The following SHB variants were observed in gnomAD, a reference collection of about 807,000 sequenced individuals.
The protein encoded by SHB is SH2 domain containing adaptor protein B, also known as SH2 domain-containing adapter protein B.
In SHB, 20 loss-of-function variants were observed where a neutral mutation model predicts 52.3. That is an observed-to-expected ratio of 0.38 (90% CI 0.27 to 0.56). The LOEUF (loss-of-function observed/expected upper bound fraction) is 0.56. Ranked by LOEUF, SHB falls within the 20% of genes least tolerant of loss-of-function variation. The pLI, the probability that SHB is intolerant of heterozygous loss-of-function variation, is 0.71. For missense variants in SHB, 825 were observed against 723.3 expected (o/e 1.14, Z -1.61); for synonymous variants, 397 against 316.5 (o/e 1.25, Z -2.70).
At chr9:38,065,822 A>G (rs1409283793) in intron 1 of SHB, among the ~76,000 whole-genome samples, 3 of 151,974 alleles carry the variant, frequency 2.0e-5, no homozygotes, top group African/African-American at 7.3e-5. Flanking sequence ...CCAACTCTTA[A>G]CCTCTCAATT....
At chr9:37,929,635 T>A (rs1832290882) in intron 5 of SHB, among the ~76,000 whole-genome samples, 1 of 152,202 alleles carries the variant, frequency 6.6e-6, no homozygotes, top group African/African-American at 2.4e-5. Context: ...CAGGAGCGTC[T>A]CCTCCAGTTG....
intron 1 of SHB, among the ~76,000 whole-genome samples, chr9:38,036,342 C>T (rs1821487343): frequency 6.6e-6 from 1 of 152,228 alleles, no homozygotes; most frequent in South Asian, 2.1e-4. Flanking sequence ...AGTTTATTAG[C>T]ATCTGGGAGG....
At chr9:37,946,303 G>A (rs1832490694) in intron 5 of SHB, among the ~76,000 whole-genome samples, 1 of 152,238 alleles carries the variant, frequency 6.6e-6, no homozygotes, top group African/African-American at 2.4e-5. Flanking sequence ...TCTAGGGAAT[G>A]GCACACCCCA....
chr9:37,966,230 TA>T (rs1461632883), intron 3 of SHB, among the ~76,000 whole-genome samples: 1 of 152,212 alleles, frequency 6.6e-6, no homozygotes, highest in Non-Finnish European at 1.5e-5. Flanking sequence ...TCAGGGAACT[TA>T]AAAATCTCCA....
chr9:37,999,044 C>G (rs1232376865), intron 2 of SHB, among the ~76,000 whole-genome samples: 2 of 152,166 alleles, frequency 1.3e-5, no homozygotes, highest in African/African-American at 2.4e-5. Context: ...CTGGGGAGCC[C>G]CTCAGTGAGG....
At position 38,068,011 on chromosome 9, in the gene SHB, G is replaced by A. The variant is rs750498705; in HGVS notation, c.635C>T (p.Pro212Leu). The A allele has an allele frequency of 2.0e-6, 3 of 1,522,152 alleles. No individual in the cohort carries two copies. The highest frequency in any genetic ancestry group is 2.4e-5 in the South Asian group (2 of 82,006). 94.3% of individuals were successfully genotyped at this position (1,522,152 alleles called of 1,614,324 possible). A position where few individuals can be genotyped will look rare whatever the true frequency, so the allele number is the denominator to read the frequency against. The change falls in exon 1 of 6, where the codon CCG becomes CTG. Residue 212 changes from proline (P) to leucine (L), a missense_variant. Transcript: ENST00000377707. Reference protein sequence around the residue: ...GACAGGRTWSPTACGGKKLLN... With the variant: ...GACAGGRTWSLTACGGKKLLN... ...CAGTTTCTTGCCTCCGCAGGCCGTC[G>A]GGCTCCAGGTGCGGCCGCCCGCGCA...
At chr9:37,987,262 G>A (rs140259762) in intron 2 of SHB, among the ~76,000 whole-genome samples, 28 of 152,320 alleles carry the variant, frequency 1.8e-4, no homozygotes, top group African/African-American at 3.4e-4. Flanking sequence ...GGAACACTGC[G>A]TGCTGGAGTC....
chr9:37,955,916 C>A lies in SHB; in HGVS notation c.1193G>T (p.Arg398Met). 1 of 1,613,872 alleles carries A rather than the reference C, an allele frequency of 6.2e-7. No individual in the cohort carries two copies. Among genetic ancestry groups the A allele is most frequent in the Admixed American group, 1.7e-5 (1 of 60,006 alleles). The stretch of plus-strand genomic sequence containing the variant: ...CTCCAGGGGGACGGCAGGATCCACC[C>A]TTTCTCCTAGGATCCCGCAGAACTC... ...SPEFCGILGE[R>M]VDPAVPLEKQ... Residue 398 changes from arginine to methionine, a missense_variant, in exon 4 of 6, where the codon AGG (arginine) becomes ATG (methionine). Arg to Met is a moderately conservative substitution (Grantham distance 91). Transcript: ENST00000377707.
chr9:37,936,634 G>A (rs1052031889), intron 5 of SHB: 23 of 152,164 alleles, frequency 1.5e-4, no homozygotes, highest in African/African-American at 5.3e-4. Flanking sequence ...CAACCCTGAG[G>A]GTCAAAATCA....
At chr9:38,044,930 G>C (rs996424569) in intron 1 of SHB, among the ~76,000 whole-genome samples, 6 of 152,234 alleles carry the variant, frequency 3.9e-5, no homozygotes, top group African/African-American at 1.2e-4. Flanking sequence ...ACAGAGGAGG[G>C]AGGGGTGGGA....
chr9:37,975,262 G>A (rs999637229), intron 2 of SHB, among the ~76,000 whole-genome samples: 2 of 151,992 alleles, frequency 1.3e-5, no homozygotes, highest in Non-Finnish European at 2.9e-5. Context: ...TCTGTACAAG[G>A]AAAAGACTGG....
chr9:38,017,943 G>A (rs1821236164), intron 1 of SHB, among the ~76,000 whole-genome samples: 1 of 152,210 alleles, frequency 6.6e-6, no homozygotes, highest in Admixed American at 6.5e-5. Context: ...TTCAGATGCT[G>A]GTCAGGTGCA....
rs983391064 is a variant in SHB, at chr9:37,948,422, C to T, written c.1346+213G>A. Reference sequence around the variant, plus strand: ...GTTAATACAAAATCCTAGAAAAAGGCCCCTCATCTTCTGGAAGGGCAGCAA... The same window carrying T: ...GTTAATACAAAATCCTAGAAAAAGGTCCCTCATCTTCTGGAAGGGCAGCAA... On this transcript the variant is annotated intron_variant, in intron 5 of 5. Transcript: ENST00000377707. Among the ~76,000 whole-genome samples, 5 of 152,172 alleles carry T rather than the reference C, an allele frequency of 3.3e-5. No homozygotes were observed. In the East Asian group the frequency reaches 9.6e-4, roughly 29 times the overall value.
At chr9:38,004,492 C>G (rs993373612) in intron 2 of SHB, among the ~76,000 whole-genome samples, 7 of 152,168 alleles carry the variant, frequency 4.6e-5, no homozygotes, top group African/African-American at 1.7e-4. Context: ...GTGGGGGGAC[C>G]AGGCCAGAGG....
chr9:37,984,660 A>T (rs1370439795), intron 2 of SHB, among the ~76,000 whole-genome samples: 1 of 152,078 alleles, frequency 6.6e-6, no homozygotes, highest in Non-Finnish European at 1.5e-5. Flanking sequence ...GAGGTGTTAA[A>T]AGCACACCTG....
rs779864653 is a variant in SHB at position 37,918,421 on chromosome 9, CTGTG to C, written c.*1396_*1399del. Among the ~76,000 whole-genome samples the C allele has an allele frequency of 1.6e-3, 148 of 92,092 alleles. No homozygotes were observed. The highest frequency in any genetic ancestry group is 3.9e-3 in the African/African-American group (98 of 24,892). 60.4% of individuals were successfully genotyped at this position (92,092 alleles called of 152,430 possible). The stretch of plus-strand genomic sequence containing the variant: ...TGGAAGCAGTGTGGACCACTGAGGG[CTGTG>C]TGTGTGTGTGTGTGTGTGTGTAGGT... On this transcript the variant is annotated 3_prime_UTR_variant, in exon 6 of 6. Transcript: ENST00000377707.
rs1219607423 is a variant in SHB, at chr9:38,036,936, G to A, written c.718-20805C>T. ...AGTTGCAGAGCCCTGACTCAAACTC[G>A]GGTGCTGTCTCTTAATCTTATGCTC... On this transcript the variant is annotated intron_variant, in intron 1 of 5. Transcript: ENST00000377707. Among the ~76,000 whole-genome samples the A allele has an allele frequency of 4.6e-5, 7 of 152,270 alleles. No individual in the cohort carries two copies. In the East Asian group the frequency reaches 1.2e-3, roughly 25 times the overall value.
rs765202295 is a variant in SHB, at chr9:38,068,533, G to C, written c.113C>G (p.Ser38Trp). ...REQRRRGERP[S>W]QPPQAVPQAS... ...CTGCGGCACGGCCTGGGGGGGCTGC[G>C]AAGGCCGCTCGCCTCGGCGCCGCTG... Residue 38 changes from serine (S) to tryptophan (W), a missense_variant, in exon 1 of 6, where the codon TCG (serine) becomes TGG (tryptophan). Coordinates refer to ENST00000377707, the MANE Select transcript of SHB (RefSeq NM_003028.3). 2.1e-6 allele frequency: 3 copies of C among 1,459,562 alleles called. No individual in the cohort carries two copies. Among genetic ancestry groups the C allele is most frequent in the South Asian group, 1.4e-5 (1 of 72,996 alleles). 90.4% of individuals were successfully genotyped at this position (1,459,562 alleles called of 1,614,324 possible). A position where few individuals can be genotyped will look rare whatever the true frequency, so the allele number is the denominator to read the frequency against.
chr9:37,996,436 C>A (rs1022857053), intron 2 of SHB, among the ~76,000 whole-genome samples: 2 of 152,364 alleles, frequency 1.3e-5, no homozygotes, highest in East Asian at 3.9e-4. Flanking sequence ...AGGCCTGAGG[C>A]CTGTACGTGT....
Sources: allele counts gnomAD v4.1 joint callset (sites outside exome capture counted in the v4.1 genomes callset), GRCh38; gene constraint gnomAD v4.1.1; transcripts MANE v1.5; gene names NCBI Gene and HGNC (gene_info 2026-07-23, HGNC 2026-07-21).